The following HUNK variants were observed in gnomAD, a reference collection of about 807,000 sequenced individuals.
The protein encoded by HUNK is hormonally up-regulated Neu-associated kinase.
HUNK carries 21 observed loss-of-function variants against 61.0 expected under a neutral mutation model. The observed-to-expected ratio is 0.34, with a 90% CI of 0.24 to 0.50. The LOEUF is 0.50. Among genes scored for constraint, HUNK ranks in the 20% least tolerant of loss-of-function variants. The pLI is 0.98. For synonymous variants in HUNK, 371 were observed against 386.1 expected, an observed-to-expected ratio of 0.96 and a Z score of 0.46; for missense variants, 772 against 945.7, an observed-to-expected ratio of 0.82 and a Z score of 2.41.
chr21:31,971,705 A>C (rs1170773765), intron 6 of HUNK, among the ~76,000 whole-genome samples: 1 of 152,208 alleles, frequency 6.6e-6, no homozygotes, highest in Non-Finnish European at 1.5e-5. Flanking sequence ...TTCAGCCTCC[A>C]AGTTGATCTC....
chr21:31,983,466 C>T, intron 7 of HUNK, 60 bp from the exon 8 acceptor site: 1 of 1,330,116 alleles, frequency 7.5e-7, no homozygotes, highest in Non-Finnish European at 1.1e-6. Flanking sequence ...TTAATGACTG[C>T]TTAATGGGCA....
At chr21:31,932,136 C>T (rs1487880285) in intron 2 of HUNK, among the ~76,000 whole-genome samples, 1 of 152,250 alleles carries the variant, frequency 6.6e-6, no homozygotes. Context: ...TGTGCTCACA[C>T]TTGCAATGTG....
At chr21:31,881,263 G>A (rs2833548) in intron 1 of HUNK, among the ~76,000 whole-genome samples, 9 of 152,118 alleles carry the variant, frequency 5.9e-5, no homozygotes, top group African/African-American at 2.2e-4. Flanking sequence ...TTTTCCATGC[G>A]CATTTTGGAT....
chr21:31,921,348 C>G (rs2052621430), intron 1 of HUNK, among the ~76,000 whole-genome samples: 5 of 150,950 alleles, frequency 3.3e-5, no homozygotes, highest in African/African-American at 1.2e-4. Flanking sequence ...TTACATCTTA[C>G]TGCAGATGCT....
intron 7 of HUNK, among the ~76,000 whole-genome samples, chr21:31,976,518 G>A (rs1403634563): frequency 7.2e-6 from 1 of 138,614 alleles, no homozygotes; most frequent in African/African-American, 2.8e-5. Context: ...CTAGGCTGGA[G>A]TGCAGTGGGA....
At chr21:31,915,515 T>C (rs915855226) in intron 1 of HUNK, among the ~76,000 whole-genome samples, 1 of 152,186 alleles carries the variant, frequency 6.6e-6, no homozygotes, top group South Asian at 2.1e-4. Flanking sequence ...GTAAAACACA[T>C]ATGTATATTT....
In HUNK at chr21:31,974,655, G is replaced by T; in HGVS notation, c.1111G>T (p.Ala371Ser). The change falls in exon 7 of 11, where the codon GCC becomes TCC. Residue 371 changes from alanine to serine, a missense_variant. Physicochemically the swap from Ala to Ser is moderately conservative, Grantham distance 99. Transcript: ENST00000270112. ...GATCAACACTGTGCTCTCCAACCGC[G>T]CCTGCCACATCCTGGCCATCTACTT... ...DVINTVLSNR[A>S]CHILAIYFLL... The T allele has an allele frequency of 6.2e-7, 1 of 1,613,040 alleles. No homozygotes were observed. Among genetic ancestry groups the T allele is most frequent in the Non-Finnish European group, 8.5e-7 (1 of 1,179,856 alleles).
intron 2 of HUNK, among the ~76,000 whole-genome samples, chr21:31,938,166 A>C (rs886389961): frequency 3.3e-5 from 5 of 152,094 alleles, no homozygotes; most frequent in African/African-American, 1.2e-4. Flanking sequence ...TCCTGTGACA[A>C]CAGCCTGGCT....
At chr21:31,906,899 G>T (rs1354793964) in intron 1 of HUNK, among the ~76,000 whole-genome samples, 6 of 152,130 alleles carry the variant, frequency 3.9e-5, no homozygotes, top group African/African-American at 1.4e-4. Flanking sequence ...GTCTGGCCCG[G>T]TGTGGTGGCT....
Position 31,922,452 on chromosome 21 carries a change from G to A in HUNK, c.262-2016G>A, listed in dbSNP as rs192689666. ...AGCGATTCTCCTGCCTAAGCCTCCC[G>A]AGTAGCTGGGATTCCAGGCATCCAC... On this transcript the variant is annotated intron_variant, in intron 1 of 10. Transcript: ENST00000270112. 2.6e-4 allele frequency among the ~76,000 whole-genome samples: 39 copies of A among 151,822 alleles called. No homozygotes were observed. The East Asian group carries it at 6.6e-3, about 26-fold the overall frequency.
At chr21:31,971,863 T>G (rs1223679796) in intron 6 of HUNK, among the ~76,000 whole-genome samples, 1 of 151,466 alleles carries the variant, frequency 6.6e-6, no homozygotes, top group African/African-American at 2.4e-5. Flanking sequence ...AAGTCTTCCT[T>G]CATAGCCCAG....
At chr21:31,930,020 G>A (rs902437197) in intron 2 of HUNK, among the ~76,000 whole-genome samples, 2 of 152,226 alleles carry the variant, frequency 1.3e-5, no homozygotes, top group Non-Finnish European at 2.9e-5. Context: ...ATCAGTTACA[G>A]CAAAAGTTTT....
chr21:31,971,921 T>G (rs990346351), intron 6 of HUNK, among the ~76,000 whole-genome samples: 8 of 151,112 alleles, frequency 5.3e-5, no homozygotes, highest in African/African-American at 2.0e-4. Context: ...CTAGAACTCC[T>G]GGGCTCGAGT....
At chr21:31,910,280 G>A (rs551160218) in intron 1 of HUNK, among the ~76,000 whole-genome samples, 22 of 151,960 alleles carry the variant, frequency 1.4e-4, no homozygotes, top group Non-Finnish European at 3.1e-4. Context: ...CCTCTCCTTG[G>A]CTGACTGAAG....
chr21:31,909,932 G>A (rs1482451943), intron 1 of HUNK, among the ~76,000 whole-genome samples: 1 of 151,774 alleles, frequency 6.6e-6, no homozygotes, highest in East Asian at 1.9e-4. Context: ...GCGGAATTCA[G>A]GCTTGGGCTG....
chr21:31,963,349 G>A (rs578040997), intron 5 of HUNK, among the ~76,000 whole-genome samples: 2 of 152,002 alleles, frequency 1.3e-5, no homozygotes, highest in South Asian at 2.1e-4. Flanking sequence ...AGTATAAGAC[G>A]CACCCCCCCT....
At chr21:31,970,275 T>G (rs965984659) in intron 6 of HUNK, among the ~76,000 whole-genome samples, 1 of 151,876 alleles carries the variant, frequency 6.6e-6, no homozygotes, top group Non-Finnish European at 1.5e-5. Context: ...GGCGTGGGAG[T>G]CTGCATCCAC....
intron 2 of HUNK, among the ~76,000 whole-genome samples, chr21:31,930,264 A>G (rs1199099218): frequency 1.3e-5 from 2 of 152,208 alleles, no homozygotes; most frequent in Non-Finnish European, 2.9e-5. Context: ...TCCACTTCAC[A>G]TGGCTGTTGT....
intron 2 of HUNK, among the ~76,000 whole-genome samples, chr21:31,931,142 A>AGTTTG (rs1400069462): frequency 7.0e-6 from 1 of 142,470 alleles, no homozygotes; most frequent in Non-Finnish European, 1.5e-5. Context: ...GTGCTTGGGG[A>AGTTTG]GTTTGGGATG....
Sources: gnomAD v4.1 joint callset for allele counts (sites outside exome capture counted in the v4.1 genomes callset) on GRCh38, gnomAD v4.1.1 for gene constraint, MANE v1.5 for transcripts, NCBI Gene and HGNC (gene_info 2026-07-23, HGNC 2026-07-21) for gene names.